Variants in CDH20 observed in about 807,000 individuals in gnomAD.
The protein encoded by CDH20 is cadherin-20.
Under a neutral mutation model 74.2 loss-of-function variants are expected in CDH20, and 29 were observed. The observed-to-expected ratio is 0.39, with a 90% confidence interval of 0.29 to 0.53. CDH20 has a LOEUF of 0.53. CDH20 is among the 20% of genes least tolerant of loss of function. The pLI is 0.69. For synonymous variants in CDH20, 469 were observed against 405.4 expected (o/e 1.16, Z -1.88); for missense variants, 988 against 1,048.3 (o/e 0.94, Z 0.79).
chr18:61,439,899 A>G (rs950153560), intron 1 of CDH20, among the ~76,000 whole-genome samples: 3 of 152,186 alleles, frequency 2.0e-5, no homozygotes, highest in Non-Finnish European at 4.4e-5. Flanking sequence ...CAAAGAATTT[A>G]TGTTTCAGGA....
intron 10 of CDH20, among the ~76,000 whole-genome samples, chr18:61,547,553 A>T (rs1044193346): frequency 3.3e-5 from 5 of 152,152 alleles, no homozygotes; most frequent in Non-Finnish European, 7.4e-5. Flanking sequence ...TGATATTTAC[A>T]ATAATTCTGT....
intron 1 of CDH20, among the ~76,000 whole-genome samples, chr18:61,354,147 T>A (rs141444991): frequency 6.2e-4 from 94 of 152,272 alleles, no homozygotes; most frequent in African/African-American, 2.2e-3. Context: ...GGCTGTTAAC[T>A]CCCACACTGG....
In CDH20 at chr18:61,387,123, C is replaced by T. The variant is rs550345774; in HGVS notation, c.-153+53296C>T. ...CTGGTATCATTGATCTATTTTCATC[C>T]ATACATCTATTCAACCTTCACAAAT... On this transcript the variant is annotated intron_variant, in intron 1 of 11. Coordinates refer to ENST00000262717, the MANE Select transcript of CDH20 (RefSeq NM_031891.4). 3.9e-5 allele frequency among the ~76,000 whole-genome samples: 6 copies of T among 152,242 alleles called. No homozygotes were observed. The South Asian group carries it at 1.2e-3, about 32-fold the overall frequency.
intron 1 of CDH20, among the ~76,000 whole-genome samples, chr18:61,362,557 T>G (rs369854838): frequency 2.0e-5 from 3 of 152,140 alleles, no homozygotes; most frequent in African/African-American, 7.2e-5. Flanking sequence ...AAAAAATAAC[T>G]AAATTAGACA....
chr18:61,335,079 G>A (rs1255630484), intron 1 of CDH20, among the ~76,000 whole-genome samples: 2 of 152,126 alleles, frequency 1.3e-5, no homozygotes, highest in Admixed American at 6.5e-5. Context: ...ACTAGGATGA[G>A]TTTGAACCCA....
intron 2 of CDH20, among the ~76,000 whole-genome samples, chr18:61,494,356 T>A (rs1911060120): frequency 6.6e-6 from 1 of 152,100 alleles, no homozygotes; most frequent in African/African-American, 2.4e-5. Flanking sequence ...TGTAGCACCC[T>A]TGCATACTCA....
At chr18:61,446,346 C>T (rs1437943668) in intron 1 of CDH20, among the ~76,000 whole-genome samples, 1 of 152,118 alleles carries the variant, frequency 6.6e-6, no homozygotes, top group Non-Finnish European at 1.5e-5. Flanking sequence ...AAGATTTTCA[C>T]TCTGGAGCTC....
At chr18:61,528,347 G>A in intron 7 of CDH20, 127 bp downstream of exon 7, 1 of 888,144 alleles carries the variant, frequency 1.1e-6, no homozygotes, top group Non-Finnish European at 1.7e-6. Flanking sequence ...TCCTCTTTGA[G>A]TTTTTTGTGT....
At chr18:61,336,275 A>G (rs1451448987) in intron 1 of CDH20, among the ~76,000 whole-genome samples, 1 of 152,226 alleles carries the variant, frequency 6.6e-6, no homozygotes, top group Non-Finnish European at 1.5e-5. Flanking sequence ...GGGCTAACCA[A>G]GGTATTTTTC....
intron 1 of CDH20, among the ~76,000 whole-genome samples, chr18:61,380,210 A>G (rs1485963915): frequency 2.0e-5 from 3 of 152,200 alleles, no homozygotes; most frequent in Non-Finnish European, 2.9e-5. Flanking sequence ...ATCCACAGTT[A>G]GCTTTGAGCT....
chr18:61,538,602 G>GTTTTT lies in CDH20; in HGVS notation c.1409-421_1409-417dup, dbSNP rs1227502362. On this transcript the variant is annotated intron_variant, in intron 8 of 11. Coordinates refer to ENST00000262717, the MANE Select transcript of CDH20 (RefSeq NM_031891.4). ...ACTTTTTGTTTGTTTGTTTGTTTTT[G>GTTTTT]TTTTTGTTTTTGTTTTTGTTTTGTT... Among the ~76,000 whole-genome samples the GTTTTT allele has an allele frequency of 9.9e-5, 5 of 50,450 alleles. 1 individual carries two copies. The highest frequency in any genetic ancestry group is 4.8e-4 in the East Asian group (1 of 2,082). The allele number at this position is 50,450 out of a possible 152,430, so 33.1% of individuals were successfully genotyped here.
intron 1 of CDH20, among the ~76,000 whole-genome samples, chr18:61,349,369 C>T (rs1910230389): frequency 6.6e-6 from 1 of 152,156 alleles, no homozygotes; most frequent in Admixed American, 6.6e-5. Context: ...AGGCTGAACC[C>T]AGAGGACTCC....
At chr18:61,399,891 C>T (rs773460693) in intron 1 of CDH20, among the ~76,000 whole-genome samples, 1 of 152,130 alleles carries the variant, frequency 6.6e-6, no homozygotes, top group Non-Finnish European at 1.5e-5. Flanking sequence ...CCAAATAAAG[C>T]CATTGATTCC....
chr18:61,358,905 A>G (rs1910590257), intron 1 of CDH20, among the ~76,000 whole-genome samples: 1 of 151,092 alleles, frequency 6.6e-6, no homozygotes, highest in Admixed American at 6.6e-5. Flanking sequence ...TAATTATTCT[A>G]TAATAAATAC....
At chr18:61,404,797 C>CTTTTTTT in intron 1 of CDH20, 1 of 223,524 alleles carries the variant, frequency 4.5e-6, no homozygotes, top group South Asian at 9.6e-5. Flanking sequence ...AAATTGTCAA[C>CTTTTTTT]TTTTTTTTTT....
intron 4 of CDH20, 27 bp from the exon 5 acceptor site, chr18:61,502,925 TA>T: frequency 6.4e-7 from 1 of 1,566,310 alleles, no homozygotes; most frequent in Non-Finnish European, 8.6e-7. Context: ...GTTTTATTTT[TA>T]TAAACAAAGT....
chr18:61,422,103 G>A (rs1344841622), intron 1 of CDH20, among the ~76,000 whole-genome samples: 1 of 152,140 alleles, frequency 6.6e-6, no homozygotes, highest in African/African-American at 2.4e-5. Context: ...GGACCTTAAT[G>A]AGGATGGTAA....
intron 1 of CDH20, among the ~76,000 whole-genome samples, chr18:61,358,342 G>A (rs752040852): frequency 6.6e-5 from 10 of 151,622 alleles, no homozygotes; most frequent in Non-Finnish European, 1.3e-4. Context: ...GGATGGTCTC[G>A]ATCTCCTGAC....
chr18:61,421,573 A>G (rs1912879522), intron 1 of CDH20, among the ~76,000 whole-genome samples: 1 of 152,168 alleles, frequency 6.6e-6, no homozygotes, highest in African/African-American at 2.4e-5. Flanking sequence ...CTGGTGTTCA[A>G]TTGATCAGTA....
Sources: gnomAD v4.1 joint callset for allele counts (sites outside exome capture counted in the v4.1 genomes callset) on GRCh38, gnomAD v4.1.1 for gene constraint, MANE v1.5 for transcripts, NCBI Gene and HGNC (gene_info 2026-07-23, HGNC 2026-07-21) for gene names.